PDGFRA: variants seen among roughly 807,000 people sequenced by gnomAD.
PDGFRA encodes platelet-derived growth factor receptor alpha.
In PDGFRA, 25 loss-of-function variants were observed where a neutral mutation model predicts 121.5. That is an observed-to-expected ratio of 0.21 (90% CI 0.15 to 0.29). The LOEUF (loss-of-function observed/expected upper bound fraction) is 0.29. Ranked by LOEUF, PDGFRA falls within the 10% of genes least tolerant of loss-of-function variation. The pLI is 1.00. For synonymous variants in PDGFRA, 463 were observed against 494.8 expected (o/e 0.94, Z 0.85); for missense variants, 1,008 against 1,345.1 (o/e 0.75, Z 3.92).
At chr4:54,264,131 C>A in intron 4 of PDGFRA, 1 of 595,938 alleles carries the variant, frequency 1.7e-6, no homozygotes, top group East Asian at 2.7e-5. Context: ...ATTACCCATG[C>A]AAGATTTCAT....
intron 1 of PDGFRA, among the ~76,000 whole-genome samples, chr4:54,248,856 T>C (rs1172839169): frequency 1.1e-3 from 163 of 151,950 alleles, no homozygotes; most frequent in African/African-American, 3.8e-3. Flanking sequence ...ACAATGAACT[T>C]TAACAAATTT....
intron 1 of PDGFRA, chr4:54,230,661 T>C (rs1038552682): frequency 2.0e-5 from 3 of 151,964 alleles, no homozygotes; most frequent in African/African-American, 7.3e-5. Flanking sequence ...ACCCGAGCCC[T>C]GGACACCCCC....
At chr4:54,264,881 G>A (rs1577711153) in intron 4 of PDGFRA, 38 bp from the exon 5 acceptor site, 1 of 1,585,422 alleles carries the variant, frequency 6.3e-7, no homozygotes, top group Non-Finnish European at 8.6e-7. Context: ...TGGCTATCCT[G>A]TGGATTTTTA....
chr4:54,273,576 T>G lies in PDGFRA; in HGVS notation c.1404T>G (p.Asn468Lys), dbSNP rs1207731107. 1 of 1,614,152 alleles carries G rather than the reference T, an allele frequency of 6.2e-7. No homozygotes were observed. The highest frequency in any genetic ancestry group is 1.1e-5 in the South Asian group (1 of 91,076). ...NETSWTILAN[N>K]VSNIITEIHS... ...CTTCCTGGACTATTTTGGCCAACAA[T>G]GTCTCAAACATCATCACGGAGATCC... is the stretch of plus-strand genomic sequence containing the variant. The change falls in exon 10 of 23, where the codon AAT becomes AAG. Residue 468 changes from asparagine (N) to lysine (K), a missense_variant. Physicochemically the swap from Asn to Lys is moderately conservative, Grantham distance 94. This residue lies in a region of PDGFRA where 575 missense variants were observed against 701.8 expected (regional missense o/e 0.82). Coordinates refer to ENST00000257290, the MANE Select transcript of PDGFRA (RefSeq NM_006206.6).
At position 54,267,645 on chromosome 4, in the gene PDGFRA, A is replaced by T; in HGVS notation, c.1025A>T (p.Tyr342Phe). ...CATTTTGTTGTAGAGGTGCGGGCCT[A>T]CCCACCTCCCAGGATATCCTGGCTG... ...VKHFVVEVRA[Y>F]PPPRISWLKN... The change falls in exon 7 of 23, where the codon TAC (tyrosine) becomes TTC (phenylalanine). Residue 342 changes from tyrosine to phenylalanine, a missense_variant. This residue lies in a region of PDGFRA where 575 missense variants were observed against 701.8 expected (regional missense o/e 0.82). Transcript: ENST00000257290. 1 of 1,613,740 alleles carries T rather than the reference A, an allele frequency of 6.2e-7. No homozygotes were observed. Among genetic ancestry groups the T allele is most frequent in the Non-Finnish European group, 8.5e-7 (1 of 1,179,628 alleles).
intron 2 of PDGFRA, among the ~76,000 whole-genome samples, chr4:54,259,725 C>T (rs1173930692): frequency 6.6e-6 from 1 of 152,188 alleles, no homozygotes; most frequent in Non-Finnish European, 1.5e-5. Flanking sequence ...ACCCCATCTA[C>T]AGAGTAATAG....
At chr4:54,282,036 T>A in intron 16 of PDGFRA, 1 of 868,784 alleles carries the variant, frequency 1.2e-6, no homozygotes, top group Non-Finnish European at 1.4e-6. Context: ...GATTTTAGTG[T>A]GTGTTTATGT....
intron 1 of PDGFRA, among the ~76,000 whole-genome samples, chr4:54,251,065 CAAAAA>C (rs566538469): frequency 1.9e-5 from 1 of 51,856 alleles, no homozygotes. Flanking sequence ...AACTCCGTCT[CAAAAA>C]AAAAAAAAAA....
intron 5 of PDGFRA, among the ~76,000 whole-genome samples, chr4:54,265,892 T>C (rs2110260990): frequency 6.6e-6 from 1 of 152,368 alleles, no homozygotes; most frequent in South Asian, 2.1e-4. Flanking sequence ...CCCTGTTCTT[T>C]TAGGCATTTG....
At chr4:54,240,241 A>C (rs1228404967) in intron 1 of PDGFRA, 1 of 176,174 alleles carries the variant, frequency 5.7e-6, no homozygotes, top group Non-Finnish European at 1.3e-5. Context: ...TGCCTTGGCT[A>C]TTTGGCAACT....
At chr4:54,231,879 C>G (rs1399378272) in intron 1 of PDGFRA, among the ~76,000 whole-genome samples, 1 of 152,264 alleles carries the variant, frequency 6.6e-6, no homozygotes, top group East Asian at 1.9e-4. Flanking sequence ...GGCCAGTTTC[C>G]TCTCGGGACG....
chr4:54,271,307 G>C (rs762767096), intron 8 of PDGFRA, among the ~76,000 whole-genome samples: 1 of 152,142 alleles, frequency 6.6e-6, no homozygotes, highest in Admixed American at 6.5e-5. Flanking sequence ...TCTGAGGTGC[G>C]CTCATGTGAT....
At chr4:54,234,398 C>G (rs1160790176) in intron 1 of PDGFRA, among the ~76,000 whole-genome samples, 1 of 152,218 alleles carries the variant, frequency 6.6e-6, no homozygotes, top group African/African-American at 2.4e-5. Flanking sequence ...TGTCGCAACC[C>G]GTGGACGCAC....
At chr4:54,248,841 A>C (rs1465693783) in intron 1 of PDGFRA, among the ~76,000 whole-genome samples, 2 of 152,172 alleles carry the variant, frequency 1.3e-5, no homozygotes, top group Non-Finnish European at 2.9e-5. Context: ...TAATATCCAG[A>C]CTCTACAATG....
At chr4:54,238,540 A>T (rs1721131671) in intron 1 of PDGFRA, among the ~76,000 whole-genome samples, 2 of 152,220 alleles carry the variant, frequency 1.3e-5, no homozygotes, top group South Asian at 2.1e-4. Flanking sequence ...CTTCATCTTG[A>T]ATAGGGCCTA....
intron 1 of PDGFRA, among the ~76,000 whole-genome samples, chr4:54,251,932 A>G (rs970013403): frequency 6.6e-6 from 1 of 152,256 alleles, no homozygotes; most frequent in Non-Finnish European, 1.5e-5. Flanking sequence ...CAAATTTCAT[A>G]AGATTAAAAC....
chr4:54,290,515 T>A lies in PDGFRA; in HGVS notation c.3083T>A (p.Val1028Asp), dbSNP rs765476521. The A allele has an allele frequency of 1.9e-6, 3 of 1,614,164 alleles. No individual in the cohort carries two copies. Among genetic ancestry groups the A allele is most frequent in the Non-Finnish European group, 2.5e-6 (3 of 1,180,008 alleles). ...ATTCCTCTGCCTGACATTGACCCTG[T>A]CCCTGAGGAGGAGGACCTGGGCAAG... Reference protein sequence around the residue: ...YIIPLPDIDPVPEEEDLGKRN... With the variant: ...YIIPLPDIDPDPEEEDLGKRN... The change falls in exon 22 of 23, where the codon GTC (valine) becomes GAC (aspartate). Residue 1028 changes from valine to aspartate, a missense_variant. This residue lies in a region of PDGFRA where 204 missense variants were observed against 243.0 expected (regional missense o/e 0.84). Coordinates refer to ENST00000257290, the MANE Select transcript of PDGFRA (RefSeq NM_006206.6).
intron 7 of PDGFRA, among the ~76,000 whole-genome samples, chr4:54,268,899 G>A (rs866908135): frequency 7.2e-5 from 11 of 152,164 alleles, no homozygotes; most frequent in African/African-American, 1.7e-4. Flanking sequence ...GGACAGGCTC[G>A]CCAACTGAGT....
At chr4:54,268,040 T>C (rs1723140193) in intron 7 of PDGFRA, among the ~76,000 whole-genome samples, 1 of 152,228 alleles carries the variant, frequency 6.6e-6, no homozygotes, top group African/African-American at 2.4e-5. Flanking sequence ...CTCACCAGGA[T>C]TGAATAGATT....
Sources: allele counts gnomAD v4.1 joint callset (sites outside exome capture counted in the v4.1 genomes callset), GRCh38; gene constraint gnomAD v4.1.1; regional missense constraint gnomAD v4.1.1; transcripts MANE v1.5; gene names NCBI Gene and HGNC (gene_info 2026-07-23, HGNC 2026-07-21).